The following ANTXR2 variants were observed in gnomAD, a reference collection of about 807,000 sequenced individuals.
ANTXR2 encodes ANTXR cell adhesion molecule 2.
ANTXR2 carries 44 observed loss-of-function variants against 73.7 expected under a neutral mutation model. The ratio of observed to expected loss-of-function variants is 0.60; its 90% confidence interval spans 0.47 to 0.77. ANTXR2 has a LOEUF of 0.77. Ranked by LOEUF, ANTXR2 falls within the 30% of genes least tolerant of loss-of-function variation. The probability of loss-of-function intolerance (pLI) is 0.00; values close to 1 mark genes in which losing one functional copy is unlikely to be tolerated. For missense variants in ANTXR2, 604 were observed against 592.5 expected, an observed-to-expected ratio of 1.02 and a Z score of -0.20; for synonymous variants, 217 against 205.9, an observed-to-expected ratio of 1.05 and a Z score of -0.46.
At chr4:79,953,001 T>C (rs1314123413) in intron 16 of ANTXR2, among the ~76,000 whole-genome samples, 1 of 152,128 alleles carries the variant, frequency 6.6e-6, no homozygotes, top group East Asian at 1.9e-4. Flanking sequence ...CAACAAGTTC[T>C]ATGACAGCTG....
chr4:80,008,021 A>G (rs960050239), intron 12 of ANTXR2, among the ~76,000 whole-genome samples: 6 of 152,220 alleles, frequency 3.9e-5, no homozygotes, highest in Admixed American at 3.9e-4. Flanking sequence ...ACTCCTCGTC[A>G]TTACTCCAAA....
chr4:79,918,070 G>A (rs1053919086), intron 16 of ANTXR2, among the ~76,000 whole-genome samples: 6 of 151,932 alleles, frequency 3.9e-5, no homozygotes, highest in African/African-American at 1.2e-4. Flanking sequence ...TACAATATCC[G>A]AAATAAAAAA....
intron 10 of ANTXR2, among the ~76,000 whole-genome samples, chr4:80,023,186 T>C (rs1197907382): frequency 6.6e-6 from 1 of 152,190 alleles, no homozygotes; most frequent in African/African-American, 2.4e-5. Context: ...GTAAGCTAAA[T>C]TGTTCAAAAA....
At chr4:79,986,292 A>T (rs574357453) in intron 12 of ANTXR2, among the ~76,000 whole-genome samples, 2 of 152,314 alleles carry the variant, frequency 1.3e-5, no homozygotes, top group East Asian at 3.9e-4. Flanking sequence ...TTCCAGCTTG[A>T]TGTCATCTAA....
At chr4:79,988,227 TTTTATATATATATA>T (rs1281078966) in intron 12 of ANTXR2, among the ~76,000 whole-genome samples, 4 of 90,482 alleles carry the variant, frequency 4.4e-5, no homozygotes, top group South Asian at 3.6e-4. Context: ...CTCACATAAA[TTTTATATATATATA>T]TATATATATA....
chr4:80,043,271 T>C (rs1733362488), intron 7 of ANTXR2, among the ~76,000 whole-genome samples: 1 of 9,442 alleles, frequency 1.1e-4, no homozygotes, highest in Non-Finnish European at 2.1e-4. Context: ...CTGCATTCCA[T>C]ATTGTGCCAG....
intron 7 of ANTXR2, among the ~76,000 whole-genome samples, chr4:80,043,268 C>T (rs1213559831): frequency 4.9e-5 from 3 of 61,012 alleles, no homozygotes; most frequent in Non-Finnish European, 1.0e-4. Flanking sequence ...TGGCTGCATT[C>T]CATATTGTGC....
At chr4:80,032,109 G>A (rs1732725285) in intron 9 of ANTXR2, among the ~76,000 whole-genome samples, 1 of 151,630 alleles carries the variant, frequency 6.6e-6, no homozygotes, top group Admixed American at 6.6e-5. Context: ...TAAAACATTT[G>A]TCTACAATAA....
In ANTXR2 at chr4:79,980,248, C is replaced by T. The variant is rs569402575; in HGVS notation, c.1180-2074G>A. Among the ~76,000 whole-genome samples the T allele has an allele frequency of 9.8e-4, 149 of 152,180 alleles. 2 individuals are homozygous for T. The highest frequency in any genetic ancestry group is 9.7e-3 in the Admixed American group (148 of 15,288). ...ATTTAATCATCATCAACATCATCAC[C>T]ACCACAAACACCACCACAAACAATT... On this transcript the variant is annotated intron_variant, in intron 14 of 16. Transcript: ENST00000403729.
chr4:80,015,671 ATAAT>A, intron 11 of ANTXR2, among the ~76,000 whole-genome samples: 1 of 152,002 alleles, frequency 6.6e-6, no homozygotes, highest in Non-Finnish European at 1.5e-5. Flanking sequence ...TTGCCAGCTA[ATAAT>A]TCTGCCAAGT....
intron 12 of ANTXR2, among the ~76,000 whole-genome samples, chr4:79,991,618 A>T (rs1251854645): frequency 6.6e-6 from 1 of 152,146 alleles, no homozygotes; most frequent in Non-Finnish European, 1.5e-5. Context: ...TCCCAAAGGA[A>T]TATAAATCGT....
chr4:79,960,799 T>C (rs1276973946), intron 16 of ANTXR2, among the ~76,000 whole-genome samples: 1 of 151,836 alleles, frequency 6.6e-6, no homozygotes, highest in African/African-American at 2.4e-5. Context: ...TATGGAAAAA[T>C]TTTTAAAGAA....
chr4:80,014,769 G>A (rs948776551), intron 11 of ANTXR2, among the ~76,000 whole-genome samples: 1 of 152,114 alleles, frequency 6.6e-6, no homozygotes, highest in Non-Finnish European at 1.5e-5. Flanking sequence ...CTCTGTAGAA[G>A]CGGAGAAACC....
intron 11 of ANTXR2, among the ~76,000 whole-genome samples, chr4:80,012,417 G>T (rs1362618381): frequency 6.6e-6 from 1 of 151,756 alleles, no homozygotes; most frequent in Non-Finnish European, 1.5e-5. Context: ...CAATGTCAGT[G>T]TACATAGTTT....
intron 16 of ANTXR2, among the ~76,000 whole-genome samples, chr4:79,950,974 A>G (rs1248679868): frequency 1.3e-5 from 2 of 152,100 alleles, no homozygotes; most frequent in African/African-American, 4.8e-5. Flanking sequence ...ATGGAGTGCT[A>G]CTGTCTCATG....
chr4:79,977,756 C>A, intron 15 of ANTXR2, 55 bp from the exon 16 acceptor site: 1 of 1,464,998 alleles, frequency 6.8e-7, no homozygotes, highest in Non-Finnish European at 9.2e-7. Context: ...TCTCTATGTA[C>A]TGAATAAATG....
At chr4:80,019,754 T>A (rs967541693) in intron 10 of ANTXR2, among the ~76,000 whole-genome samples, 4 of 152,184 alleles carry the variant, frequency 2.6e-5, no homozygotes, top group Non-Finnish European at 5.9e-5. Flanking sequence ...TTGTTGCAGA[T>A]GGTCCAAAGA....
Position 80,044,503 on chromosome 4 carries a change from T to A in ANTXR2, c.637-8471A>T, listed in dbSNP as rs575259060. Among the ~76,000 whole-genome samples, 12 of 151,996 alleles carry A rather than the reference T, an allele frequency of 7.9e-5. No homozygotes were observed. In the South Asian group the frequency reaches 2.5e-3, roughly 32 times the overall value. Reference sequence around the variant, plus strand: ...GGTGTCGATCCAAGATAATAATTTATCATGCAATAAATTAAGATGGGGAGA... The same window carrying A: ...GGTGTCGATCCAAGATAATAATTTAACATGCAATAAATTAAGATGGGGAGA... On this transcript the variant is annotated intron_variant, in intron 7 of 16. Transcript: ENST00000403729.
intron 16 of ANTXR2, among the ~76,000 whole-genome samples, chr4:79,975,914 C>CT (rs528899255): frequency 0.16 from 21,107 of 135,532 alleles, 2,106 homozygotes; most frequent in Middle Eastern, 0.32. Flanking sequence ...TCAAATTACA[C>CT]TTTTTTTTTT....
Sources: allele counts gnomAD v4.1 joint callset (sites outside exome capture counted in the v4.1 genomes callset), GRCh38; gene constraint gnomAD v4.1.1; transcripts MANE v1.5; gene names NCBI Gene and HGNC (gene_info 2026-07-23, HGNC 2026-07-21).